APTX: variants seen among roughly 807,000 people sequenced by gnomAD.
APTX encodes the protein aprataxin.
APTX carries 33 observed loss-of-function variants against 42.3 expected under a neutral mutation model. The ratio of observed to expected loss-of-function variants is 0.78; its 90% CI spans 0.59 to 1.04. The LOEUF is 1.04. APTX is among the 50% of genes least tolerant of loss of function. APTX has a pLI of 0.00. For missense variants in APTX, 421 were observed against 415.1 expected (o/e 1.01, Z -0.12); for synonymous variants, 130 against 146.7 (o/e 0.89, Z 0.82).
At chr9:33,024,813 G>A (rs1006487212) in intron 1 of APTX, 2 of 140,568 alleles carry the variant, frequency 1.4e-5, no homozygotes, top group African/African-American at 5.3e-5. Flanking sequence ...CCTGGCTCAA[G>A]CATTTTTTGC....
intron 1 of APTX, chr9:33,015,900 C>A (rs747872649): frequency 1.3e-5 from 2 of 152,090 alleles, no homozygotes; most frequent in Admixed American, 1.3e-4. Flanking sequence ...AATTCATATC[C>A]GCATCTGAAT....
intron 7 of APTX, 108 bp from the exon 8 acceptor site, chr9:32,973,760 G>C (rs1828645252): frequency 7.0e-7 from 1 of 1,426,630 alleles, no homozygotes; most frequent in Non-Finnish European, 9.8e-7. Context: ...AGTATGCCAG[G>C]CCAGGTATTC....
At chr9:33,010,641 C>T (rs1005131215) in intron 1 of APTX, among the ~76,000 whole-genome samples, 5 of 151,936 alleles carry the variant, frequency 3.3e-5, no homozygotes, top group Non-Finnish European at 5.9e-5. Context: ...ATCGCTTGAA[C>T]CCGGGAGGCA....
chr9:33,002,155 T>C (rs1168170606), upstream of APTX, among the ~76,000 whole-genome samples: 1 of 152,136 alleles, frequency 6.6e-6, no homozygotes, highest in East Asian at 1.9e-4. Context: ...AGGGATAAGA[T>C]GCGTGTACTG....
At chr9:33,001,343 A>G (rs1836404174) in intron 1 of APTX, 8 of 1,526,696 alleles carry the variant, frequency 5.2e-6, no homozygotes, top group Non-Finnish European at 7.0e-6. Flanking sequence ...AGGTGTCGGG[A>G]GCACACGTGA....
intron 1 of APTX, among the ~76,000 whole-genome samples, chr9:33,011,563 G>T (rs971225451): frequency 6.6e-6 from 1 of 152,172 alleles, no homozygotes; most frequent in Non-Finnish European, 1.5e-5. Flanking sequence ...GGGATTACAG[G>T]CATGAGCCAC....
At chr9:32,986,215 T>C in intron 4 of APTX, 185 bp from the exon 5 acceptor site, 1 of 739,926 alleles carries the variant, frequency 1.4e-6, no homozygotes, top group South Asian at 1.4e-5. Context: ...TGCCTTCCTA[T>C]ATTCTCTTTT....
chr9:32,993,965 C>A (rs1834250479), intron 1 of APTX, among the ~76,000 whole-genome samples: 1 of 152,158 alleles, frequency 6.6e-6, no homozygotes, highest in South Asian at 2.1e-4. Context: ...GCGATCCGCC[C>A]ACCTCGGCCT....
chr9:33,001,193 T>C (rs564297920), intron 1 of APTX: 69 of 864,250 alleles, frequency 8.0e-5, no homozygotes, highest in Non-Finnish European at 1.1e-4. Context: ...TTGAGGATGC[T>C]GCTAAGGTCC....
At chr9:33,017,927 CG>C (rs1226989008) in intron 1 of APTX, among the ~76,000 whole-genome samples, 1 of 50,546 alleles carries the variant, frequency 2.0e-5, no homozygotes, top group Non-Finnish European at 3.8e-5. Flanking sequence ...TAGCAACCAG[CG>C]CCCCCCCCCC....
intron 1 of APTX, among the ~76,000 whole-genome samples, chr9:32,991,790 AAAGGCG>A (rs1833717191): frequency 6.6e-6 from 1 of 152,080 alleles, no homozygotes; most frequent in Non-Finnish European, 1.5e-5. Flanking sequence ...AAAAAAAAAA[AAAGGCG>A]AGACACTCAC....
intron 6 of APTX, 25 bp from the exon 7 acceptor site, chr9:32,974,586 G>C (rs537610866): frequency 1.6e-6 from 2 of 1,280,766 alleles, no homozygotes; most frequent in Admixed American, 3.4e-5. Flanking sequence ...AAAAAACTGA[G>C]CATTAAACTC....
At chr9:32,991,168 C>T (rs1833525948) in intron 1 of APTX, among the ~76,000 whole-genome samples, 1 of 152,246 alleles carries the variant, frequency 6.6e-6, no homozygotes, top group Admixed American at 6.5e-5. Flanking sequence ...TCAGGTGATC[C>T]GCCTGCCTCG....
upstream of APTX, chr9:33,001,644 A>G (rs1484610330): frequency 1.9e-6 from 3 of 1,612,544 alleles, no homozygotes; most frequent in Non-Finnish European, 2.5e-6. Flanking sequence ...ATGACGTCAG[A>G]GGCCGGCTGT....
intron 1 of APTX, among the ~76,000 whole-genome samples, chr9:33,011,053 A>G (rs1837504533): frequency 6.6e-6 from 1 of 151,296 alleles, no homozygotes; most frequent in Admixed American, 6.6e-5. Flanking sequence ...TGAGGCATGA[A>G]AATTGCTTGA....
chr9:33,006,021 C>CT (rs144006152), upstream of APTX, among the ~76,000 whole-genome samples: 10,631 of 147,570 alleles, frequency 0.072, 505 homozygotes, highest in Non-Finnish European at 0.11. Flanking sequence ...GAACTTTATT[C>CT]TTTTTTTTTT....
Position 32,972,662 on chromosome 9 carries a change from A to G in APTX, c.*836T>C, listed in dbSNP as rs773269197. On this transcript the variant is annotated 3_prime_UTR_variant, in exon 8 of 8. Transcript: ENST00000379817. ...CAGGGAAAAAGAAAGTAGTGGCTCT[A>G]CGCAACTTTTTCATTCACCAACCAC... 4.4e-5 allele frequency: 19 copies of G among 433,072 alleles called. No homozygotes were observed. Among genetic ancestry groups the G allele is most frequent in the Middle Eastern group, 7.3e-4 (1 of 1,364 alleles). The allele number at this position is 433,072 out of a possible 1,614,324, so 26.8% of individuals were successfully genotyped here.
At chr9:33,000,511 C>A (rs1313456583) in intron 1 of APTX, among the ~76,000 whole-genome samples, 1 of 151,182 alleles carries the variant, frequency 6.6e-6, no homozygotes, top group Non-Finnish European at 1.5e-5. Context: ...GCCTGTAATC[C>A]CAGCTCCTTG....
chr9:33,008,455 G>C lies in APTX; in HGVS notation c.-5+16568C>G, dbSNP rs28520693. On this transcript the variant is annotated intron_variant, in intron 1 of 6. Coordinates refer to the APTX transcript ENST00000436040. ...AGGGTCTCACTGTGTTACCCAGGCT[G>C]GTCTCAAACTGTTGGCCTCAAGCAG... is the stretch of plus-strand genomic sequence containing the variant. Among the ~76,000 whole-genome samples the C allele has an allele frequency of 1.8e-3, 268 of 151,790 alleles. 1 individual carries two copies. The highest frequency in any genetic ancestry group is 5.8e-3 in the African/African-American group (242 of 41,404).
Sources: allele counts gnomAD v4.1 joint callset (sites outside exome capture counted in the v4.1 genomes callset), GRCh38; gene constraint gnomAD v4.1.1; transcripts MANE v1.5; gene names NCBI Gene and HGNC (gene_info 2026-07-23, HGNC 2026-07-21).